The following QNG1 variants were observed in gnomAD, a reference collection of about 807,000 sequenced individuals.
QNG1 encodes Q-nucleotide N-glycosylase 1.
the QNG1 span, among the ~76,000 whole-genome samples, chr9:83,941,487 G>T: frequency 6.6e-6 from 1 of 151,696 alleles, no homozygotes; most frequent in Non-Finnish European, 1.5e-5. Context: ...CAGGAGGCTG[G>T]GGCTGAGAAG....
the QNG1 span, among the ~76,000 whole-genome samples, chr9:83,950,119 G>A: frequency 6.0e-5 from 9 of 148,798 alleles, no homozygotes; most frequent in Non-Finnish European, 1.0e-4. Context: ...GTGCAATCTC[G>A]GCTCACTGCA....
chr9:83,954,665 A>G, the QNG1 span, among the ~76,000 whole-genome samples: 4 of 151,720 alleles, frequency 2.6e-5, no homozygotes, highest in South Asian at 2.1e-4. Flanking sequence ...GTGGATCACG[A>G]GGTCAGGAAT....
At chr9:83,939,770 A>C in the QNG1 span, 1 of 1,487,474 alleles carries the variant, frequency 6.7e-7, no homozygotes, top group Non-Finnish European at 9.4e-7. Flanking sequence ...CAGTAAGAAA[A>C]ATTAATAGTC....
the QNG1 span, chr9:83,944,729 T>C: frequency 3.1e-6 from 4 of 1,304,530 alleles, no homozygotes; most frequent in Non-Finnish European, 4.3e-6. Context: ...AGACCTTTTG[T>C]AAAAGAAACT....
chr9:83,956,587 G>C, the QNG1 span: 1 of 1,141,642 alleles, frequency 8.8e-7, no homozygotes. Flanking sequence ...TACGAACCGC[G>C]CGATCACAGG....
the QNG1 span, chr9:83,956,215 A>G: frequency 1.2e-6 from 2 of 1,613,736 alleles, no homozygotes; most frequent in Non-Finnish European, 1.7e-6. Context: ...TACCCACTGT[A>G]TGTTTTCCCT....
chr9:83,940,595 T>G, the QNG1 span, among the ~76,000 whole-genome samples: 4 of 152,326 alleles, frequency 2.6e-5, no homozygotes, highest in African/African-American at 9.6e-5. Flanking sequence ...AGCGAGGTAG[T>G]GTACATAGTA....
At chr9:83,954,228 A>G in the QNG1 span, among the ~76,000 whole-genome samples, 4 of 152,128 alleles carry the variant, frequency 2.6e-5, no homozygotes. Flanking sequence ...GTTAGTATAC[A>G]TTCTGATCTT....
chr9:83,948,210 G>C, the QNG1 span, among the ~76,000 whole-genome samples: 2 of 150,884 alleles, frequency 1.3e-5, no homozygotes, highest in East Asian at 4.0e-4. Context: ...CCGCCACCCC[G>C]TCTGGGAGGT....
chr9:83,953,742 C>T, the QNG1 span: 1 of 1,449,504 alleles, frequency 6.9e-7, no homozygotes, highest in Non-Finnish European at 9.5e-7. Flanking sequence ...ACTGCAACCT[C>T]CCCCTCCCAG....
At chr9:83,954,495 T>A in the QNG1 span, among the ~76,000 whole-genome samples, 1 of 151,780 alleles carries the variant, frequency 6.6e-6, no homozygotes, top group African/African-American at 2.4e-5. Context: ...GGCAGGAGAA[T>A]CGCTTGAACC....
At chr9:83,941,875 T>C in the QNG1 span, among the ~76,000 whole-genome samples, 16 of 151,018 alleles carry the variant, frequency 1.1e-4, no homozygotes, top group East Asian at 2.9e-3. Flanking sequence ...ATGGCGCCAT[T>C]GCACTGGGCG....
the QNG1 span, among the ~76,000 whole-genome samples, chr9:83,948,378 A>C: frequency 7.0e-6 from 1 of 142,226 alleles, no homozygotes; most frequent in Admixed American, 7.0e-5. Context: ...TCCAGGAGGG[A>C]GGTGGGGGTC....
chr9:83,945,571 A>C, the QNG1 span, among the ~76,000 whole-genome samples: 1 of 151,964 alleles, frequency 6.6e-6, no homozygotes, highest in Non-Finnish European at 1.5e-5. Flanking sequence ...TACTTCATAT[A>C]CAGATTTCTG....
chr9:83,949,667 C>CAA, the QNG1 span, among the ~76,000 whole-genome samples: 642 of 145,230 alleles, frequency 4.4e-3, 5 homozygotes, highest in African/African-American at 0.015. Context: ...CAAAAACAAA[C>CAA]AAAAAAAAAA....
At chr9:83,956,851 C>A in the QNG1 span, 7 of 228,754 alleles carry the variant, frequency 3.1e-5, no homozygotes. Flanking sequence ...CGTGAGTTGC[C>A]CACCCTGGGA....
At chr9:83,950,429 A>C in the QNG1 span, among the ~76,000 whole-genome samples, 1 of 152,132 alleles carries the variant, frequency 6.6e-6, no homozygotes, top group East Asian at 1.9e-4. Flanking sequence ...TGGATCTCTA[A>C]AATATTAACT....
chr9:83,955,053 G>A, the QNG1 span, among the ~76,000 whole-genome samples: 1 of 151,572 alleles, frequency 6.6e-6, no homozygotes, highest in Non-Finnish European at 1.5e-5. Context: ...CATAAAATTA[G>A]CCGGGCTTGG....
At chr9:83,940,743 A>G in the QNG1 span, among the ~76,000 whole-genome samples, 1 of 152,206 alleles carries the variant, frequency 6.6e-6, no homozygotes, top group Admixed American at 6.5e-5. Context: ...GCCAAACCTA[A>G]CACAACTGCA....
Sources: allele counts gnomAD v4.1 joint callset (sites outside exome capture counted in the v4.1 genomes callset), GRCh38; gene constraint gnomAD v4.1.1; transcripts MANE v1.5; gene names NCBI Gene and HGNC (gene_info 2026-07-23, HGNC 2026-07-21).